DLG2: variants seen among roughly 807,000 people sequenced by gnomAD.
The protein encoded by DLG2 is disks large homolog 2.
A neutral mutation model predicts 132.5 loss-of-function variants in DLG2; 45 were observed. The observed-to-expected ratio is 0.34, with a 90% CI of 0.27 to 0.44. DLG2 has a LOEUF of 0.44. DLG2 is among the 20% of genes least tolerant of loss of function. The pLI, the probability that DLG2 is intolerant of heterozygous loss-of-function variation, is 1.00. For synonymous variants in DLG2, 424 were observed against 419.6 expected, an observed-to-expected ratio of 1.01 and a Z score of -0.13; for missense variants, 1,045 against 1,196.9, an observed-to-expected ratio of 0.87 and a Z score of 1.87.
At chr11:84,468,875 C>A (rs2099101430) in intron 7 of DLG2, among the ~76,000 whole-genome samples, 1 of 151,464 alleles carries the variant, frequency 6.6e-6, no homozygotes, top group Admixed American at 6.6e-5. Context: ...TTCCATTTTG[C>A]TCTAGAGCAG....
chr11:84,456,032 G>A (rs1172273612), intron 7 of DLG2, among the ~76,000 whole-genome samples: 1 of 151,290 alleles, frequency 6.6e-6, no homozygotes, highest in Non-Finnish European at 1.5e-5. Context: ...CATCAAGCAA[G>A]TATGGAACAC....
intron 3 of DLG2, among the ~76,000 whole-genome samples, chr11:85,415,049 C>G (rs115062072): frequency 0.014 from 2,164 of 152,170 alleles, 51 homozygotes; most frequent in African/African-American, 0.05. Context: ...TATGATGTAC[C>G]TCTCCCTGTG....
At chr11:85,323,126 G>T (rs576793732) in intron 3 of DLG2, among the ~76,000 whole-genome samples, 35 of 152,004 alleles carry the variant, frequency 2.3e-4, no homozygotes, top group Admixed American at 5.2e-4. Context: ...TACCATATTG[G>T]GTCACTGTGA....
chr11:85,494,410 T>G (rs1368850457), intron 3 of DLG2, among the ~76,000 whole-genome samples: 1 of 152,176 alleles, frequency 6.6e-6, no homozygotes, highest in African/African-American at 2.4e-5. Context: ...GCCCAAAATC[T>G]TGGTTGATGT....
chr11:85,093,100 G>GC (rs2069082505), intron 6 of DLG2, among the ~76,000 whole-genome samples: 1 of 151,930 alleles, frequency 6.6e-6, no homozygotes, highest in Admixed American at 6.6e-5. Flanking sequence ...GTCACCCCTC[G>GC]CCCCCTCATT....
rs1565749317 is a variant in DLG2, at chr11:84,714,593, CTTTCTTTCTCTT to C, written c.358-179874_358-179863del. On this transcript the variant is annotated intron_variant, in intron 6 of 27. Coordinates refer to ENST00000376104, the MANE Select transcript of DLG2 (RefSeq NM_001142699.3). ...TCTTTCTCTTTCTCTTTCTCTTTCT[CTTTCTTTCTCTT>C]TCTCTTTCTCTTTCTCTTTCTCTCT... Among the ~76,000 whole-genome samples the C allele has an allele frequency of 6.1e-4, 67 of 110,034 alleles. 1 individual carries two copies. Among genetic ancestry groups the C allele is most frequent in the African/African-American group, 2.1e-3 (55 of 26,772 alleles). 72.2% of individuals were successfully genotyped at this position (110,034 alleles called of 152,430 possible).
At chr11:85,066,865 T>C (rs542196782) in intron 6 of DLG2, among the ~76,000 whole-genome samples, 108 of 151,846 alleles carry the variant, frequency 7.1e-4, no homozygotes, top group Non-Finnish European at 1.4e-3. Flanking sequence ...CCCTAAGAAC[T>C]GGAACAAAAC....
chr11:84,472,231 G>C (rs1390219333), intron 7 of DLG2, among the ~76,000 whole-genome samples: 1 of 151,840 alleles, frequency 6.6e-6, no homozygotes, highest in African/African-American at 2.4e-5. Flanking sequence ...ATATGTTTAT[G>C]TGTATATACA....
chr11:84,410,045 G>A (rs995425874), intron 7 of DLG2, among the ~76,000 whole-genome samples: 3 of 152,162 alleles, frequency 2.0e-5, no homozygotes, highest in Admixed American at 6.5e-5. Context: ...GAATGACAAA[G>A]CTAGGACTGG....
chr11:83,679,061 C>T (rs1164613696), intron 18 of DLG2, among the ~76,000 whole-genome samples: 1 of 152,160 alleles, frequency 6.6e-6, no homozygotes, highest in East Asian at 1.9e-4. Flanking sequence ...GCTGGGCAAA[C>T]TCTATTGCAT....
chr11:84,636,402 C>T (rs1057231059), intron 6 of DLG2, among the ~76,000 whole-genome samples: 1 of 152,172 alleles, frequency 6.6e-6, no homozygotes, highest in Non-Finnish European at 1.5e-5. Flanking sequence ...CTGCTACCTA[C>T]CAGCTGTGCC....
At chr11:83,568,215 G>A (rs1487784459) in intron 19 of DLG2, among the ~76,000 whole-genome samples, 1 of 152,098 alleles carries the variant, frequency 6.6e-6, no homozygotes, top group Non-Finnish European at 1.5e-5. Context: ...TTTTAAGGAG[G>A]CAGAGTCAAC....
intron 22 of DLG2, chr11:83,480,449 A>C (rs1277551159): frequency 6.6e-7 from 1 of 1,525,306 alleles, no homozygotes; most frequent in African/African-American, 1.4e-5. Context: ...AGAGATACCA[A>C]GCATTGAAGA....
At chr11:84,195,421 C>G (rs2096497560) in intron 8 of DLG2, among the ~76,000 whole-genome samples, 1 of 152,188 alleles carries the variant, frequency 6.6e-6, no homozygotes, top group Non-Finnish European at 1.5e-5. Flanking sequence ...GCCTCAGCCT[C>G]CCAAAGTGGT....
chr11:84,216,901 T>C (rs1248819172), intron 8 of DLG2, among the ~76,000 whole-genome samples: 12 of 152,124 alleles, frequency 7.9e-5, no homozygotes, highest in East Asian at 1.9e-4. Flanking sequence ...GCTGGCATTA[T>C]GGAATCATGA....
chr11:84,106,261 A>C (rs1313199817), intron 9 of DLG2, among the ~76,000 whole-genome samples: 3 of 152,116 alleles, frequency 2.0e-5, no homozygotes, highest in African/African-American at 7.2e-5. Flanking sequence ...GGAGTGGCAC[A>C]GGGAATAAAA....
intron 6 of DLG2, among the ~76,000 whole-genome samples, chr11:84,890,286 C>T (rs1438165300): frequency 1.3e-5 from 2 of 152,116 alleles, no homozygotes; most frequent in East Asian, 3.9e-4. Flanking sequence ...TAGTTCCCTT[C>T]TCTTGTGCTG....
At chr11:84,868,861 A>T (rs1293734808) in intron 6 of DLG2, among the ~76,000 whole-genome samples, 1 of 152,254 alleles carries the variant, frequency 6.6e-6, no homozygotes, top group Non-Finnish European at 1.5e-5. Flanking sequence ...ATATAGTACA[A>T]GCAAATAATT....
chr11:84,119,902 T>C (rs758647374), intron 9 of DLG2, among the ~76,000 whole-genome samples: 1 of 152,218 alleles, frequency 6.6e-6, no homozygotes. Context: ...TCCTCTGATA[T>C]GAAATGCCTC....
Sources: allele counts gnomAD v4.1 joint callset (sites outside exome capture counted in the v4.1 genomes callset), GRCh38; gene constraint gnomAD v4.1.1; transcripts MANE v1.5; gene names NCBI Gene and HGNC (gene_info 2026-07-23, HGNC 2026-07-21).